Variants in ADAMTSL1 observed in about 807,000 individuals in gnomAD.
ADAMTSL1 encodes the protein ADAMTS like 1.
Under a neutral mutation model 201.8 loss-of-function variants are expected in ADAMTSL1, and 126 were observed. The ratio of observed to expected loss-of-function variants is 0.62; its 90% CI spans 0.54 to 0.72. ADAMTSL1 has a LOEUF of 0.72. ADAMTSL1 is among the 30% of genes least tolerant of loss of function. ADAMTSL1 has a pLI of 0.00. For synonymous variants in ADAMTSL1, 1,121 were observed against 903.4 expected (o/e 1.24, Z -4.32); for missense variants, 2,679 against 2,277.8 (o/e 1.18, Z -3.59).
chr9:18,367,967 T>G, intron 2 of ADAMTSL1, among the ~76,000 whole-genome samples: 1 of 152,148 alleles, frequency 6.6e-6, no homozygotes, highest in Non-Finnish European at 1.5e-5. Context: ...TGGCGCGATC[T>G]CGGCTCACTA....
intron 15 of ADAMTSL1, among the ~76,000 whole-genome samples, chr9:18,751,158 A>G (rs1588042538): frequency 6.6e-6 from 1 of 152,332 alleles, no homozygotes; most frequent in East Asian, 1.9e-4. Context: ...CAATAACACC[A>G]CAATGTTTTA....
At chr9:18,185,751 T>C (rs796604582) in intron 2 of ADAMTSL1, among the ~76,000 whole-genome samples, 8 of 152,290 alleles carry the variant, frequency 5.3e-5, no homozygotes, top group African/African-American at 1.4e-4. Context: ...GAAAGCATAA[T>C]TGAGTAACAA....
chr9:18,404,661 C>G (rs1404063737), intron 2 of ADAMTSL1, among the ~76,000 whole-genome samples: 2 of 152,168 alleles, frequency 1.3e-5, no homozygotes, highest in African/African-American at 4.8e-5. Flanking sequence ...CTCTCACCAC[C>G]TCCCCTGTCA....
At chr9:18,254,539 A>G (rs1831601736) in intron 2 of ADAMTSL1, among the ~76,000 whole-genome samples, 1 of 150,800 alleles carries the variant, frequency 6.6e-6, no homozygotes, top group South Asian at 2.1e-4. Flanking sequence ...ACTTTTTTGT[A>G]TTTTTAGTAA....
At chr9:18,571,391 C>T (rs1159459109) in intron 3 of ADAMTSL1, among the ~76,000 whole-genome samples, 2 of 152,138 alleles carry the variant, frequency 1.3e-5, no homozygotes, top group Non-Finnish European at 2.9e-5. Flanking sequence ...AAACAATTTC[C>T]TCAATGTTCT....
At chr9:18,045,035 C>T (rs1448232809) in intron 1 of ADAMTSL1, among the ~76,000 whole-genome samples, 1 of 152,124 alleles carries the variant, frequency 6.6e-6, no homozygotes, top group Non-Finnish European at 1.5e-5. Flanking sequence ...GACTTAGGAT[C>T]CAGAGTTCCA....
chr9:18,085,440 T>C (rs1337602186), intron 1 of ADAMTSL1, among the ~76,000 whole-genome samples: 1 of 144,338 alleles, frequency 6.9e-6, no homozygotes, highest in East Asian at 2.1e-4. Context: ...TTATATAGTA[T>C]ATATTGTGTA....
intron 2 of ADAMTSL1, among the ~76,000 whole-genome samples, chr9:18,468,818 A>G (rs1449244140): frequency 6.6e-6 from 1 of 152,188 alleles, no homozygotes; most frequent in East Asian, 1.9e-4. Flanking sequence ...GAAGCCCTGA[A>G]TTAAGTCTTG....
intron 7 of ADAMTSL1, among the ~76,000 whole-genome samples, chr9:18,645,943 G>C (rs1392185337): frequency 6.6e-6 from 1 of 150,716 alleles, no homozygotes; most frequent in Non-Finnish European, 1.5e-5. Flanking sequence ...TTGGTAGCTT[G>C]ATGGGGATGG....
At chr9:18,246,857 T>G (rs1218759313) in intron 2 of ADAMTSL1, among the ~76,000 whole-genome samples, 1 of 152,142 alleles carries the variant, frequency 6.6e-6, no homozygotes, top group Non-Finnish European at 1.5e-5. Flanking sequence ...GGCATTTCAG[T>G]AGGCCCAATG....
chr9:18,677,339 C>T lies in ADAMTSL1; in HGVS notation c.1136+1432C>T, dbSNP rs77706790. ...ATCATTTTTCTGGTTTTATCCAGAA[C>T]TCTTGACCTTGAAAAAATAATGAAA... On this transcript the variant is annotated intron_variant, in intron 10 of 28. Transcript: ENST00000380548. Among the ~76,000 whole-genome samples, 88 of 152,052 alleles carry T rather than the reference C, an allele frequency of 5.8e-4. No homozygotes were observed. In the East Asian group the frequency reaches 0.016, roughly 28 times the overall value.
chr9:18,685,784 A>G (rs1830790050), intron 13 of ADAMTSL1, among the ~76,000 whole-genome samples: 1 of 152,244 alleles, frequency 6.6e-6, no homozygotes, highest in Admixed American at 6.5e-5. Flanking sequence ...CCAGAACACA[A>G]CTGTGTTCCT....
intron 2 of ADAMTSL1, among the ~76,000 whole-genome samples, chr9:18,271,847 G>C (rs1000560811): frequency 6.6e-6 from 1 of 152,098 alleles, no homozygotes; most frequent in Non-Finnish European, 1.5e-5. Flanking sequence ...GTTGTTTCCT[G>C]ACTCTTTAAT....
chr9:18,412,783 C>G (rs531531258), intron 2 of ADAMTSL1, among the ~76,000 whole-genome samples: 123 of 152,232 alleles, frequency 8.1e-4, no homozygotes, highest in African/African-American at 2.9e-3. Context: ...GTTTAAAAGC[C>G]TCTGCTTTCT....
intron 1 of ADAMTSL1, among the ~76,000 whole-genome samples, chr9:18,112,486 GTT>G (rs200200528): frequency 1.4e-5 from 2 of 144,906 alleles, no homozygotes; most frequent in African/African-American, 5.0e-5. Flanking sequence ...ATTTTTTTGG[GTT>G]TTTTTTTTTT....
chr9:18,108,436 G>A (rs959752443), intron 1 of ADAMTSL1, among the ~76,000 whole-genome samples: 1 of 152,002 alleles, frequency 6.6e-6, no homozygotes, highest in Non-Finnish European at 1.5e-5. Flanking sequence ...CTGAGCTCAA[G>A]ACATCCTCCC....
intron 2 of ADAMTSL1, among the ~76,000 whole-genome samples, chr9:18,312,723 C>T (rs1379577687): frequency 2.0e-5 from 3 of 152,136 alleles, no homozygotes; most frequent in African/African-American, 4.8e-5. Context: ...CCTGTCTGCC[C>T]CCACCCCAGC....
At chr9:18,507,727 G>A (rs1370029541) in intron 2 of ADAMTSL1, among the ~76,000 whole-genome samples, 1 of 152,152 alleles carries the variant, frequency 6.6e-6, no homozygotes, top group African/African-American at 2.4e-5. Context: ...CCCCACGCAT[G>A]TATTTGTGTG....
intron 1 of ADAMTSL1, among the ~76,000 whole-genome samples, chr9:17,929,487 G>C (rs1426865432): frequency 6.6e-6 from 1 of 152,072 alleles, no homozygotes; most frequent in Admixed American, 6.6e-5. Flanking sequence ...GGCCTTGCCT[G>C]ATCCAGCCCC....
Sources: gnomAD v4.1 joint callset for allele counts (sites outside exome capture counted in the v4.1 genomes callset) on GRCh38, gnomAD v4.1.1 for gene constraint, MANE v1.5 for transcripts, NCBI Gene and HGNC (gene_info 2026-07-23, HGNC 2026-07-21) for gene names.